TRAPPC9: variants seen among roughly 807,000 people sequenced by gnomAD.
The protein encoded by TRAPPC9 is trafficking protein particle complex subunit 9.
A neutral mutation model predicts 124.0 loss-of-function variants in TRAPPC9; 83 were observed. The ratio of observed to expected loss-of-function variants is 0.67; its 90% CI spans 0.56 to 0.80. The LOEUF (loss-of-function observed/expected upper bound fraction) is 0.80, where lower values mean the gene tolerates loss of function less well. Ranked by LOEUF, TRAPPC9 falls within the 30% of genes least tolerant of loss-of-function variation. TRAPPC9 has a pLI of 0.00. For synonymous variants in TRAPPC9, 638 were observed against 617.5 expected, an observed-to-expected ratio of 1.03 and a Z score of -0.49; for missense variants, 1,302 against 1,508.3, an observed-to-expected ratio of 0.86 and a Z score of 2.27.
chr8:139,904,928 A>G (rs1831251422), intron 20 of TRAPPC9: 1 of 152,220 alleles, frequency 6.6e-6, no homozygotes, highest in African/African-American at 2.4e-5. Flanking sequence ...AAAGGCAAAT[A>G]TAGAAGATTT....
intron 8 of TRAPPC9, among the ~76,000 whole-genome samples, chr8:140,362,005 T>A (rs1390364723): frequency 1.3e-5 from 2 of 152,202 alleles, no homozygotes; most frequent in Admixed American, 6.5e-5. Context: ...CCTGAGCTCT[T>A]CCCTCAGCAC....
chr8:140,428,375 C>T (rs1414137873), intron 4 of TRAPPC9, among the ~76,000 whole-genome samples: 6 of 152,144 alleles, frequency 3.9e-5, no homozygotes, highest in Admixed American at 3.3e-4. Context: ...CAGGGTTCAA[C>T]GATCAGCACA....
At chr8:140,171,080 T>G (rs777954122) in intron 17 of TRAPPC9, among the ~76,000 whole-genome samples, 4 of 152,198 alleles carry the variant, frequency 2.6e-5, no homozygotes, top group Non-Finnish European at 2.9e-5. Context: ...TGAGAGATGA[T>G]GTCTGAAACT....
Position 140,254,433 on chromosome 8 carries a change from G to A in TRAPPC9, c.2279-1504C>T, listed in dbSNP as rs1050581449. Among the ~76,000 whole-genome samples, 17 of 152,284 alleles carry A rather than the reference G, an allele frequency of 1.1e-4. No homozygotes were observed. The East Asian group carries it at 3.1e-3, about 28-fold the overall frequency. On this transcript the variant is annotated intron_variant, in intron 15 of 22. Transcript: ENST00000438773. ...CTGAGTGCAGCCCACATGGCCCTAC[G>A]TGGCATGGTATCCTCCTTCCCCAGC...
intron 21 of TRAPPC9, among the ~76,000 whole-genome samples, chr8:139,837,734 C>T (rs987165761): frequency 6.6e-5 from 10 of 152,214 alleles, no homozygotes; most frequent in Admixed American, 6.5e-5. Flanking sequence ...CCTGGTCTCT[C>T]GTCCTTCCAG....
intron 17 of TRAPPC9, among the ~76,000 whole-genome samples, chr8:140,026,394 T>G (rs1840152156): frequency 1.3e-5 from 2 of 152,164 alleles, no homozygotes; most frequent in African/African-American, 4.8e-5. Flanking sequence ...CTATGTAATT[T>G]TTTGAGAAGC....
At chr8:139,958,017 G>T (rs993444659) in intron 19 of TRAPPC9, among the ~76,000 whole-genome samples, 11 of 152,202 alleles carry the variant, frequency 7.2e-5, no homozygotes, top group African/African-American at 2.2e-4. Context: ...TGGCTGACTG[G>T]CCCACAAACA....
chr8:139,879,481 C>T (rs1321082351), intron 21 of TRAPPC9, among the ~76,000 whole-genome samples: 2 of 152,214 alleles, frequency 1.3e-5, no homozygotes, highest in Non-Finnish European at 2.9e-5. Flanking sequence ...AACTCTCCAC[C>T]TGTCCCTGCC....
intron 20 of TRAPPC9, chr8:139,904,853 T>C (rs1310360041): frequency 6.6e-6 from 1 of 152,160 alleles, no homozygotes; most frequent in Non-Finnish European, 1.5e-5. Context: ...ATGCTGGGAG[T>C]GGCAGGGCCA....
chr8:140,050,656 A>G (rs886581256), intron 17 of TRAPPC9, among the ~76,000 whole-genome samples: 4 of 152,182 alleles, frequency 2.6e-5, no homozygotes, highest in African/African-American at 9.7e-5. Context: ...CCCGGGGCAC[A>G]GGAAATGCTC....
At chr8:140,273,273 T>C (rs2065015085) in intron 15 of TRAPPC9, among the ~76,000 whole-genome samples, 1 of 152,194 alleles carries the variant, frequency 6.6e-6, no homozygotes, top group South Asian at 2.1e-4. Context: ...TCCTCGCACT[T>C]CCTGTTGCTT....
intron 19 of TRAPPC9, among the ~76,000 whole-genome samples, chr8:139,934,444 C>T (rs185935625): frequency 3.3e-5 from 5 of 152,316 alleles, no homozygotes; most frequent in East Asian, 1.9e-4. Flanking sequence ...CAATGGAAAA[C>T]CTGGGCTCTT....
At chr8:139,787,839 T>C (rs922816955) in intron 21 of TRAPPC9, among the ~76,000 whole-genome samples, 1 of 152,204 alleles carries the variant, frequency 6.6e-6, no homozygotes, top group African/African-American at 2.4e-5. Context: ...TTGAGCAATT[T>C]TGATTTCATC....
chr8:140,397,610 A>G lies in TRAPPC9; in HGVS notation c.1134+10T>C, dbSNP rs756339909. The G allele has an allele frequency of 6.2e-7, 1 of 1,613,720 alleles. No individual in the cohort carries two copies. The highest frequency in any genetic ancestry group is 8.5e-7 in the Non-Finnish European group (1 of 1,179,720). On this transcript the variant is annotated intron_variant, in intron 7 of 22. Transcript: ENST00000438773. ...TGAACTCTTCCACTTACAGGTAGAC[A>G]TACACTCACCTGTCGAAGGTTAATG...
At chr8:139,785,437 C>T (rs368090079) in intron 21 of TRAPPC9, among the ~76,000 whole-genome samples, 3 of 152,108 alleles carry the variant, frequency 2.0e-5, no homozygotes, top group Admixed American at 2.0e-4. Flanking sequence ...GTGGCTCACA[C>T]CTGTAATCCC....
At chr8:139,938,643 ATT>A (rs943236445) in intron 19 of TRAPPC9, among the ~76,000 whole-genome samples, 2 of 139,004 alleles carry the variant, frequency 1.4e-5, no homozygotes, top group African/African-American at 2.6e-5. Context: ...TACCCGATTA[ATT>A]TTTTTTTTTT....
chr8:140,212,905 C>CA (rs951021718), intron 17 of TRAPPC9, among the ~76,000 whole-genome samples: 1 of 151,552 alleles, frequency 6.6e-6, no homozygotes, highest in Non-Finnish European at 1.5e-5. Context: ...ATGGTCTCTA[C>CA]AAAAAATATA....
intron 5 of TRAPPC9, among the ~76,000 whole-genome samples, chr8:140,422,998 G>C (rs183615978): frequency 6.6e-6 from 1 of 152,288 alleles, no homozygotes; most frequent in Admixed American, 6.5e-5. Context: ...CAAGGATGCA[G>C]AGAAATTAGA....
intron 8 of TRAPPC9, among the ~76,000 whole-genome samples, chr8:140,370,389 C>G (rs553837885): frequency 2.0e-5 from 3 of 152,186 alleles, no homozygotes; most frequent in Non-Finnish European, 4.4e-5. Context: ...TCCGCCCACC[C>G]TGGTCTCCCA....
Sources: gnomAD v4.1 joint callset for allele counts (sites outside exome capture counted in the v4.1 genomes callset) on GRCh38, gnomAD v4.1.1 for gene constraint, MANE v1.5 for transcripts, NCBI Gene and HGNC (gene_info 2026-07-23, HGNC 2026-07-21) for gene names.